The following PSMD9 variants were observed in gnomAD, a reference collection of about 807,000 sequenced individuals.
The protein encoded by PSMD9 is 26S proteasome non-ATPase regulatory subunit 9.
In PSMD9, 26 loss-of-function variants were observed where a neutral mutation model predicts 25.9. The ratio of observed to expected loss-of-function variants is 1.00; its 90% CI spans 0.73 to 1.39. The LOEUF (loss-of-function observed/expected upper bound fraction) is 1.39. Among genes scored for constraint, PSMD9 ranks in the 40% most tolerant of loss-of-function variants. The pLI, the probability that PSMD9 is intolerant of heterozygous loss-of-function variation, is 0.00. For synonymous variants in PSMD9, 110 were observed against 114.5 expected, an observed-to-expected ratio of 0.96 and a Z score of 0.25; for missense variants, 303 against 299.3, an observed-to-expected ratio of 1.01 and a Z score of -0.09.
chr12:121,901,435 A>G (rs1007806508), intron 3 of PSMD9, among the ~76,000 whole-genome samples: 2 of 152,018 alleles, frequency 1.3e-5, no homozygotes, highest in African/African-American at 4.8e-5. Context: ...TGCAACCTCA[A>G]ACTCGCAGAG....
intron 4 of PSMD9, among the ~76,000 whole-genome samples, chr12:121,912,061 T>A (rs530762364): frequency 3.5e-4 from 46 of 130,512 alleles, no homozygotes; most frequent in African/African-American, 8.1e-4. Flanking sequence ...TTATTTATTT[T>A]GAGACAGGTT....
At chr12:121,900,625 A>G (rs969533262) in intron 3 of PSMD9, among the ~76,000 whole-genome samples, 5 of 150,934 alleles carry the variant, frequency 3.3e-5, no homozygotes, top group Non-Finnish European at 7.4e-5. Flanking sequence ...TAAAGTCCGT[A>G]TACAGTTTAG....
chr12:121,891,469 C>G (rs1000763202), intron 1 of PSMD9, among the ~76,000 whole-genome samples: 3 of 149,224 alleles, frequency 2.0e-5, no homozygotes, highest in Non-Finnish European at 4.5e-5. Context: ...ACGTGGTGGC[C>G]AGCGCCTGTA....
chr12:121,916,308 A>G lies in PSMD9; in HGVS notation c.669A>G (p.Arg223=), dbSNP rs1405236730. The change falls in exon 6 of 6, where the codon AGA becomes AGG. Residue 223 remains arginine, a synonymous_variant. Coordinates refer to ENST00000541212, the MANE Select transcript of PSMD9 (RefSeq NM_002813.7). ...GCTGCAACATTATTCCTCTGCAAAG[A>G]TGATTGTCCCTGGGGAACAGTAACA... is the stretch of plus-strand genomic sequence containing the variant. ...LLGCNIIPLQ[R] The G allele has an allele frequency of 3.7e-6, 6 of 1,613,978 alleles. No individual in the cohort carries two copies. Among genetic ancestry groups the G allele is most frequent in the Non-Finnish European group, 5.1e-6 (6 of 1,179,984 alleles).
At chr12:121,910,253 T>C (rs1010333903) in intron 4 of PSMD9, among the ~76,000 whole-genome samples, 11 of 151,470 alleles carry the variant, frequency 7.3e-5, no homozygotes, top group African/African-American at 1.9e-4. Flanking sequence ...GCCCAGCTAA[T>C]GTTTGTATTT....
At chr12:121,912,894 AAAAG>A (rs1365996884) in intron 4 of PSMD9, among the ~76,000 whole-genome samples, 1 of 151,020 alleles carries the variant, frequency 6.6e-6, no homozygotes, top group African/African-American at 2.4e-5. Flanking sequence ...AAAAGAAAGA[AAAAG>A]AAAGGTCTAT....
At chr12:121,899,155 AT>A (rs1335069558) in intron 2 of PSMD9, 1 of 162,056 alleles carries the variant, frequency 6.2e-6, no homozygotes, top group Non-Finnish European at 1.4e-5. Flanking sequence ...TGCCCGGCTT[AT>A]GCAGCATTTT....
At chr12:121,908,710 G>T (rs1879631349) in intron 4 of PSMD9, among the ~76,000 whole-genome samples, 1 of 152,126 alleles carries the variant, frequency 6.6e-6, no homozygotes, top group African/African-American at 2.4e-5. Context: ...AGCTCAGAGA[G>T]TAAATCATGG....
chr12:121,907,681 T>C (rs559914979), intron 4 of PSMD9, among the ~76,000 whole-genome samples: 2 of 152,342 alleles, frequency 1.3e-5, no homozygotes, highest in Admixed American at 1.3e-4. Context: ...ACTCTGAATA[T>C]ACTAAAACTC....
chr12:121,912,131 C>G (rs932330005), intron 4 of PSMD9, among the ~76,000 whole-genome samples: 6 of 151,622 alleles, frequency 4.0e-5, no homozygotes, highest in Non-Finnish European at 5.9e-5. Flanking sequence ...TCTGGACTTC[C>G]CAGGCTCAAG....
chr12:121,916,464 G>A lies in PSMD9; in HGVS notation c.*153G>A. On this transcript the variant is annotated 3_prime_UTR_variant, in exon 6 of 6. Transcript: ENST00000541212. Reference sequence around the variant, plus strand: ...GTGGTGGCAGTACTGTGGCCCACCAGTGTAATCTCCCTGGATTAAGGCATT... The same window carrying A: ...GTGGTGGCAGTACTGTGGCCCACCAATGTAATCTCCCTGGATTAAGGCATT... 1.1e-6 allele frequency: 1 copy of A among 918,032 alleles called. No homozygotes were observed. 56.9% of individuals were successfully genotyped at this position (918,032 alleles called of 1,614,324 possible). A position where few individuals can be genotyped will look rare whatever the true frequency, so the allele number is the denominator to read the frequency against.
chr12:121,909,899 T>C (rs1879669251), intron 4 of PSMD9, among the ~76,000 whole-genome samples: 1 of 152,124 alleles, frequency 6.6e-6, no homozygotes, highest in East Asian at 1.9e-4. Context: ...GATGTGTCAT[T>C]ACTGAGTTAA....
chr12:121,904,174 C>G (rs1365417992), intron 4 of PSMD9, among the ~76,000 whole-genome samples: 1 of 151,822 alleles, frequency 6.6e-6, no homozygotes. Flanking sequence ...AAATCTGTAA[C>G]TTGTATGGAC....
chr12:121,897,213 C>T (rs1234177138), intron 2 of PSMD9: 3 of 152,246 alleles, frequency 2.0e-5, no homozygotes, highest in East Asian at 1.9e-4. Flanking sequence ...AAGTGATTCT[C>T]CAGCCTTAGC....
At chr12:121,899,398 G>T (rs187740072) in intron 2 of PSMD9, 57 of 510,184 alleles carry the variant, frequency 1.1e-4, no homozygotes, top group African/African-American at 1.1e-3. Flanking sequence ...CTTTGCTGCT[G>T]GCCAGGCCTC....
chr12:121,907,473 C>T (rs1879595160), intron 4 of PSMD9, among the ~76,000 whole-genome samples: 1 of 152,116 alleles, frequency 6.6e-6, no homozygotes, highest in Non-Finnish European at 1.5e-5. Flanking sequence ...GCAACCTCTG[C>T]CTCCCGGCAC....
At chr12:121,896,123 CAA>C (rs1203600148) in intron 2 of PSMD9, among the ~76,000 whole-genome samples, 3 of 94,670 alleles carry the variant, frequency 3.2e-5, no homozygotes, top group Admixed American at 1.2e-4. Context: ...GAGACCGTCT[CAA>C]AAAAAAAAAA....
intron 4 of PSMD9, among the ~76,000 whole-genome samples, chr12:121,913,492 T>C (rs181274320): frequency 2.7e-4 from 41 of 151,208 alleles, no homozygotes; most frequent in African/African-American, 9.7e-4. Flanking sequence ...TTTTCTTTTT[T>C]CTTTTTTTTT....
intron 1 of PSMD9, among the ~76,000 whole-genome samples, chr12:121,891,123 GC>G (rs1385407975): frequency 6.9e-6 from 1 of 145,730 alleles, no homozygotes; most frequent in Non-Finnish European, 1.5e-5. Flanking sequence ...ACCGCGCCAG[GC>G]CTACAAAAAA....
Sources: allele counts gnomAD v4.1 joint callset (sites outside exome capture counted in the v4.1 genomes callset), GRCh38; gene constraint gnomAD v4.1.1; transcripts MANE v1.5; gene names NCBI Gene and HGNC (gene_info 2026-07-23, HGNC 2026-07-21).